COG5: variants seen among roughly 807,000 people sequenced by gnomAD.
COG5 encodes the protein conserved oligomeric Golgi complex subunit 5.
COG5 carries 86 observed loss-of-function variants against 110.4 expected under a neutral mutation model. That is an observed-to-expected ratio of 0.78 (90% confidence interval 0.65 to 0.93). The LOEUF is 0.93. COG5 is among the 40% of genes least tolerant of loss of function. The pLI, the probability that COG5 is intolerant of heterozygous loss-of-function variation, is 0.00. For missense variants in COG5, 1,077 were observed against 987.0 expected, an observed-to-expected ratio of 1.09 and a Z score of -1.22; for synonymous variants, 360 against 334.6, an observed-to-expected ratio of 1.08 and a Z score of -0.83.
chr7:107,309,423 T>A (rs184043736), intron 11 of COG5, among the ~76,000 whole-genome samples: 105 of 152,292 alleles, frequency 6.9e-4, no homozygotes, highest in African/African-American at 2.5e-3. Context: ...GAATGTCTGT[T>A]ATTTACTGAA....
At chr7:107,397,886 AAAGGT>A (rs1791129965) in intron 7 of COG5, among the ~76,000 whole-genome samples, 1 of 152,136 alleles carries the variant, frequency 6.6e-6, no homozygotes, top group South Asian at 2.1e-4. Context: ...CTCAAAACGC[AAAGGT>A]ATCCACAAAT....
At chr7:107,532,401 C>G (rs780970974) in intron 5 of COG5, among the ~76,000 whole-genome samples, 1 of 152,138 alleles carries the variant, frequency 6.6e-6, no homozygotes, top group Non-Finnish European at 1.5e-5. Context: ...TAGGTTTGTT[C>G]ATTTCTGGGA....
intron 21 of COG5, 49 bp downstream of exon 21, chr7:107,210,477 T>A: frequency 6.4e-7 from 1 of 1,561,124 alleles, no homozygotes; most frequent in Non-Finnish European, 8.7e-7. Context: ...ATCCCCACCC[T>A]CCTTGGGCTT....
intron 19 of COG5, 115 bp from the exon 20 acceptor site, chr7:107,211,340 G>A (rs2116205763): frequency 8.6e-7 from 1 of 1,159,638 alleles, no homozygotes; most frequent in South Asian, 1.2e-5. Context: ...TACTGAAGGA[G>A]CCCTCCACTG....
rs1387856223 is a variant in COG5 at position 107,474,614 on chromosome 7, A to C, written c.538+52623T>G. On this transcript the variant is annotated intron_variant, in intron 6 of 21. Transcript: ENST00000297135. This position sits in a 1 kb window ranked among gnomAD's most constrained non-coding sequence, Gnocchi z 5.7. The stretch of plus-strand genomic sequence containing the variant: ...ATTGAGGTAAATTTTTTCAGTCTTC[A>C]AAGTGGAAATACCTGGGAAAACAAG... 1 of 1,611,004 alleles carries C rather than the reference A, an allele frequency of 6.2e-7. No individual in the cohort carries two copies. Among genetic ancestry groups the C allele is most frequent in the East Asian group, 2.2e-5 (1 of 44,820 alleles).
intron 6 of COG5, 93 bp from the exon 7 acceptor site, chr7:107,412,725 CA>C: frequency 1.4e-6 from 1 of 736,518 alleles, no homozygotes; most frequent in Non-Finnish European, 2.1e-6. Flanking sequence ...AAAAAAAAAA[CA>C]AAAAACGCTA....
intron 7 of COG5, among the ~76,000 whole-genome samples, chr7:107,389,636 A>G (rs1212766774): frequency 3.3e-5 from 5 of 152,186 alleles, no homozygotes; most frequent in South Asian, 4.1e-4. Context: ...TGAGGCAACT[A>G]TAACATCTTA....
intron 8 of COG5, 27 bp downstream of exon 8, chr7:107,372,565 AAAG>A: frequency 1.2e-6 from 2 of 1,607,752 alleles, no homozygotes. Flanking sequence ...ATAAATAAAT[AAAG>A]AAGCTAAATA....
At chr7:107,283,931 C>CTTTTTTTTTTTTTTTTTTTTTT (rs71522833) in intron 12 of COG5, among the ~76,000 whole-genome samples, 199 bp from the exon 13 acceptor site, 5 of 142,634 alleles carry the variant, frequency 3.5e-5, no homozygotes, top group Admixed American at 7.2e-5. Context: ...CCATAGTAAC[C>CTTTTTTTTTTTTTTTTTTTTTT]TTTTTTTTTT....
At chr7:107,368,622 T>C (rs1813844048) in intron 8 of COG5, among the ~76,000 whole-genome samples, 1 of 152,204 alleles carries the variant, frequency 6.6e-6, no homozygotes, top group African/African-American at 2.4e-5. Context: ...ATTCCATTTA[T>C]GCCTCTCCAT....
At chr7:107,268,042 C>A (rs1370402517) in intron 14 of COG5, among the ~76,000 whole-genome samples, 1 of 152,192 alleles carries the variant, frequency 6.6e-6, no homozygotes, top group African/African-American at 2.4e-5. Context: ...AATCTCGGCT[C>A]ACCGCAACCT....
At chr7:107,213,504 T>C (rs1196683955) in intron 19 of COG5, among the ~76,000 whole-genome samples, 2 of 152,064 alleles carry the variant, frequency 1.3e-5, no homozygotes, top group African/African-American at 4.8e-5. Context: ...ATAACCCAAA[T>C]AGCAATACTC....
chr7:107,332,947 C>G (rs901543449), intron 10 of COG5, among the ~76,000 whole-genome samples: 1 of 152,122 alleles, frequency 6.6e-6, no homozygotes, highest in Non-Finnish European at 1.5e-5. Context: ...GAAGCAGACA[C>G]CTTTGAGGCA....
At chr7:107,209,021 G>C in intron 21 of COG5, 3 of 976,282 alleles carry the variant, frequency 3.1e-6, no homozygotes, top group Non-Finnish European at 3.7e-6. Flanking sequence ...AAGGGTGAGA[G>C]ACCTGGGCAC....
chr7:107,264,989 C>A (rs1803683438), intron 14 of COG5, among the ~76,000 whole-genome samples: 1 of 151,900 alleles, frequency 6.6e-6, no homozygotes, highest in Non-Finnish European at 1.5e-5. Context: ...TAGTATGAAG[C>A]ATTACATAAA....
rs1251986258 is a variant in COG5 at position 107,375,847 on chromosome 7, T to C, written c.670-3087A>G. On this transcript the variant is annotated intron_variant, in intron 7 of 21. Coordinates refer to ENST00000297135, the MANE Select transcript of COG5 (RefSeq NM_006348.5). ...AGCCCATTTTATTAATCTTACTCTCTACGGTTTAGTACTTTTGGTATTGTT... is the reference window on the plus strand; with the variant it reads ...AGCCCATTTTATTAATCTTACTCTCCACGGTTTAGTACTTTTGGTATTGTT... Among the ~76,000 whole-genome samples, 4 of 152,132 alleles carry C rather than the reference T, an allele frequency of 2.6e-5. 1 individual carries two copies. In the East Asian group the frequency reaches 7.7e-4, roughly 29 times the overall value.
intron 7 of COG5, among the ~76,000 whole-genome samples, chr7:107,382,979 A>C (rs1364485528): frequency 6.6e-6 from 1 of 152,128 alleles, no homozygotes; most frequent in Non-Finnish European, 1.5e-5. Context: ...AAAAATCTGG[A>C]TCAATTTTCT....
chr7:107,294,476 GCAGT>G (rs1214443586), intron 12 of COG5, among the ~76,000 whole-genome samples: 2 of 151,996 alleles, frequency 1.3e-5, no homozygotes, highest in Non-Finnish European at 2.9e-5. Flanking sequence ...TGTCTACATA[GCAGT>G]CAGAGTGCTA....
chr7:107,459,223 CAAGTT>C (rs1795845363), intron 6 of COG5, among the ~76,000 whole-genome samples: 1 of 151,794 alleles, frequency 6.6e-6, no homozygotes, highest in African/African-American at 2.4e-5. Context: ...CAAAAATAAA[CAAGTT>C]AAGTTAAAAG....
Sources: gnomAD v4.1 joint callset for allele counts (sites outside exome capture counted in the v4.1 genomes callset) on GRCh38, gnomAD v4.1.1 for gene constraint, Gnocchi (gnomAD v3.1) non-coding constraint, MANE v1.5 for transcripts, NCBI Gene and HGNC (gene_info 2026-07-23, HGNC 2026-07-21) for gene names.